NIPA2: variants seen among roughly 807,000 people sequenced by gnomAD.
NIPA2 encodes magnesium transporter NIPA2.
NIPA2 carries 11 observed loss-of-function variants against 29.7 expected under a neutral mutation model. The ratio of observed to expected loss-of-function variants is 0.37; its 90% CI spans 0.23 to 0.61. NIPA2 has a LOEUF of 0.61. Ranked by LOEUF, NIPA2 falls within the 20% of genes least tolerant of loss-of-function variation. NIPA2 has a pLI of 0.66. For missense variants in NIPA2, 426 were observed against 437.9 expected (o/e 0.97, Z 0.24); for synonymous variants, 183 against 161.9 (o/e 1.13, Z -0.99).
chr15:22,866,839 G>A lies in NIPA2; in HGVS notation c.1075G>A (p.Ala359Thr). ...NVSRRNGNLTAF is the reference protein window; with the variant it reads ...NVSRRNGNLTTF ...CTCCCGAAGAAATGGAAATCTGACAGCTTTTTAAGAAAGGTGTAATTAAAG... is the reference window on the plus strand; with the variant it reads ...CTCCCGAAGAAATGGAAATCTGACAACTTTTTAAGAAAGGTGTAATTAAAG... The change falls in exon 8 of 8, where the codon GCT becomes ACT. Residue 359 changes from alanine to threonine, a missense_variant. Ala to Thr is a moderately conservative substitution (Grantham distance 58). Transcript: ENST00000337451. 6.3e-7 allele frequency: 1 copy of A among 1,581,718 alleles called. No individual in the cohort carries two copies.
At chr15:22,851,499 TTAAA>T (rs1314034419) in intron 3 of NIPA2, 136 bp from the exon 4 acceptor site, 1 of 261,074 alleles carries the variant, frequency 3.8e-6, no homozygotes, top group Admixed American at 5.3e-5. Flanking sequence ...GGTGCTAAAT[TTAAA>T]TAATAAATAT....
At chr15:22,859,301 T>C (rs1337617172) in intron 6 of NIPA2, among the ~76,000 whole-genome samples, 4 of 146,026 alleles carry the variant, frequency 2.7e-5, no homozygotes, top group African/African-American at 7.6e-5. Context: ...TTTTTTTTTT[T>C]TTTTTTTTTG....
chr15:22,841,180 TGATA>T (rs1264541064), intron 2 of NIPA2, among the ~76,000 whole-genome samples: 32 of 152,298 alleles, frequency 2.1e-4, no homozygotes, highest in Admixed American at 2.1e-3. Flanking sequence ...CTACATGAGA[TGATA>T]GATATGTTGA....
chr15:22,852,351 A>G (rs1444173150), intron 4 of NIPA2, among the ~76,000 whole-genome samples: 4 of 151,952 alleles, frequency 2.6e-5, no homozygotes, highest in Non-Finnish European at 5.9e-5. Flanking sequence ...CTATAGTCCC[A>G]GCTACTCAGG....
At chr15:22,840,532 T>C (rs1896790352) in intron 2 of NIPA2, among the ~76,000 whole-genome samples, 1 of 151,346 alleles carries the variant, frequency 6.6e-6, no homozygotes, top group Non-Finnish European at 1.5e-5. Flanking sequence ...ACTCCTGACC[T>C]CAGGTGATCC....
chr15:22,847,319 T>C (rs1899032838), intron 3 of NIPA2, among the ~76,000 whole-genome samples: 1 of 152,206 alleles, frequency 6.6e-6, no homozygotes, highest in Non-Finnish European at 1.5e-5. Flanking sequence ...ATATTCAGAC[T>C]ATAAATTTGA....
At position 22,868,189 on chromosome 15, in the gene NIPA2, C is replaced by A. The variant is rs1304605578; in HGVS notation, c.*1342C>A. 2.6e-5 allele frequency: 4 copies of A among 152,202 alleles called. No homozygotes were observed. In the East Asian group the frequency reaches 7.7e-4, roughly 29 times the overall value. 9.4% of individuals were successfully genotyped at this position (152,202 alleles called of 1,614,324 possible). ...TTTTTCCAACTTTATTATTGGCCTT[C>A]TAAGGAGCTGTTTTAGATGTTTTTT... On this transcript the variant is annotated 3_prime_UTR_variant, in exon 8 of 8. Coordinates refer to ENST00000337451, the MANE Select transcript of NIPA2 (RefSeq NM_030922.7).
At position 22,866,231 on chromosome 15, in the gene NIPA2, C is replaced by G; in HGVS notation, c.467C>G (p.Thr156Ser). Residue 156 changes from threonine to serine, a missense_variant, in exon 8 of 8, where the codon ACC (threonine) becomes AGC (serine). By Grantham distance (58) the Thr-to-Ser change is moderately conservative (BLOSUM62 1). Around this residue, in one of 3 missense-constraint regions of NIPA2, gnomAD observed 357 missense variants for 339.8 expected, o/e 1.05. Transcript: ENST00000337451. ...CCTCCAGGTTTTGTGGTCTTTGCAA[C>G]CCTTGTGGTCATTGTGGCCTTGATA... ...LGDPGFVVFATLVVIVALILI... is the reference protein window; with the variant it reads ...LGDPGFVVFASLVVIVALILI... The G allele has an allele frequency of 6.2e-7, 1 of 1,613,444 alleles. No individual in the cohort carries two copies. Among genetic ancestry groups the G allele is most frequent in the Non-Finnish European group, 8.5e-7 (1 of 1,179,406 alleles).
intron 7 of NIPA2, among the ~76,000 whole-genome samples, chr15:22,863,993 G>C (rs2058793288): frequency 6.6e-6 from 1 of 151,986 alleles, no homozygotes; most frequent in South Asian, 2.1e-4. Flanking sequence ...GTGTCTCTGA[G>C]GATATTAATA....
At position 22,866,774 on chromosome 15, in the gene NIPA2, G is replaced by C; in HGVS notation, c.1010G>C (p.Ser337Thr). 4 of 1,613,140 alleles carry C rather than the reference G, an allele frequency of 2.5e-6. No individual in the cohort carries two copies. Among genetic ancestry groups the C allele is most frequent in the Non-Finnish European group, 3.4e-6 (4 of 1,179,298 alleles). The change falls in exon 8 of 8, where the codon AGC becomes ACC. Residue 337 changes from serine to threonine, a missense_variant. This residue lies in a region of NIPA2 where 357 missense variants were observed against 339.8 expected (regional missense o/e 1.05). Transcript: ENST00000337451. ...MYEVLNNNEE[S>T]LTCGIEQHTG... is the part of the protein sequence containing the mutation. ...GAAGTTCTTAATAATAATGAAGAAA[G>C]CTTAACCTGTGGAATCGAACAACAC...
At chr15:22,851,207 A>C (rs1199972280) in intron 3 of NIPA2, among the ~76,000 whole-genome samples, 2 of 152,220 alleles carry the variant, frequency 1.3e-5, no homozygotes, top group East Asian at 3.8e-4. Flanking sequence ...GCTTATGTGC[A>C]CCTATTGCTA....
chr15:22,847,249 C>G (rs1899009242), intron 3 of NIPA2, among the ~76,000 whole-genome samples: 1 of 151,790 alleles, frequency 6.6e-6, no homozygotes, highest in Non-Finnish European at 1.5e-5. Flanking sequence ...GTAGATAAAC[C>G]TGACTTTTTT....
chr15:22,856,520 T>C (rs1053225194), intron 5 of NIPA2, among the ~76,000 whole-genome samples: 67 of 152,044 alleles, frequency 4.4e-4, no homozygotes, highest in African/African-American at 1.5e-3. Flanking sequence ...AGTAACCATA[T>C]TTAAAAGACA....
Position 22,866,732 on chromosome 15 carries a change from ATCTC to A in NIPA2, c.972_975del (p.Ser325IlefsTer13). 6.2e-7 allele frequency: 1 copy of A among 1,614,032 alleles called. No homozygotes were observed. The highest frequency in any genetic ancestry group is 8.5e-7 in the Non-Finnish European group (1 of 1,179,910). ...AAAGACGAGAAAGCAATGAATGGCA[ATCTC>A]TCTAATATGTATGAAGTTCTTAATA... On this transcript the variant is annotated frameshift_variant, in exon 8 of 8. Coordinates refer to ENST00000337451, the MANE Select transcript of NIPA2 (RefSeq NM_030922.7). LOFTEE classifies it high-confidence loss of function.
intron 5 of NIPA2, among the ~76,000 whole-genome samples, chr15:22,858,293 C>T (rs2058352428): frequency 2.0e-5 from 3 of 152,126 alleles, no homozygotes; most frequent in South Asian, 2.1e-4. Flanking sequence ...ACTTGGGAGG[C>T]TGAGGCAGGA....
intron 5 of NIPA2, 105 bp downstream of exon 5, chr15:22,853,373 T>TA: frequency 1.4e-5 from 8 of 568,600 alleles, no homozygotes; most frequent in Admixed American, 6.8e-5. Flanking sequence ...GTTTAAATAA[T>TA]CTTTTTTTTT....
At chr15:22,852,276 G>A (rs1202092721) in intron 4 of NIPA2, among the ~76,000 whole-genome samples, 1 of 152,100 alleles carries the variant, frequency 6.6e-6, no homozygotes, top group Non-Finnish European at 1.5e-5. Context: ...AGACCAGCCT[G>A]GCAAACATGG....
intron 7 of NIPA2, among the ~76,000 whole-genome samples, chr15:22,863,832 T>C (rs1047576675): frequency 6.6e-6 from 1 of 152,166 alleles, no homozygotes; most frequent in Non-Finnish European, 1.5e-5. Context: ...TTCTTCTCTT[T>C]TCTCTGGATT....
In NIPA2 at chr15:22,862,047, C is replaced by T. The variant is rs1234157362; in HGVS notation, c.448+1258C>T. 2.1e-4 allele frequency among the ~76,000 whole-genome samples: 5 copies of T among 23,478 alleles called. 1 individual carries two copies. Among genetic ancestry groups the T allele is most frequent in the East Asian group, 4.7e-3 (2 of 422 alleles). 15.4% of individuals were successfully genotyped at this position (23,478 alleles called of 152,430 possible). On this transcript the variant is annotated intron_variant, in intron 7 of 7. Coordinates refer to ENST00000337451, the MANE Select transcript of NIPA2 (RefSeq NM_030922.7). ...CCACCATGCCTCGCCTGATGGGTCT[C>T]TCTTTTTTTTTTTTTTTGAGACAGA...
Sources: gnomAD v4.1 joint callset for allele counts (sites outside exome capture counted in the v4.1 genomes callset) on GRCh38, gnomAD v4.1.1 for gene constraint, gnomAD v4.1.1 regional missense constraint, MANE v1.5 for transcripts, NCBI Gene and HGNC (gene_info 2026-07-23, HGNC 2026-07-21) for gene names.